Variants in LUZP2 observed in about 807,000 individuals in gnomAD.
LUZP2 encodes leucine zipper protein 2.
LUZP2 carries 52 observed loss-of-function variants against 51.6 expected under a neutral mutation model. The ratio of observed to expected loss-of-function variants is 1.01; its 90% CI spans 0.81 to 1.27. LUZP2 has a LOEUF of 1.27. LUZP2 is among the 50% of genes most tolerant of loss of function. The probability of loss-of-function intolerance (pLI) is 0.00; values close to 1 mark genes in which losing one functional copy is unlikely to be tolerated. For synonymous variants in LUZP2, 154 were observed against 137.3 expected (o/e 1.12, Z -0.85); for missense variants, 436 against 395.4 (o/e 1.10, Z -0.87).
At chr11:24,825,296 T>C (rs149712989) in intron 5 of LUZP2, among the ~76,000 whole-genome samples, 1 of 152,340 alleles carries the variant, frequency 6.6e-6, no homozygotes, top group African/African-American at 2.4e-5. Flanking sequence ...AAGAAAACTT[T>C]TATTGTCACA....
chr11:24,591,258 C>T (rs748920374), intron 1 of LUZP2, among the ~76,000 whole-genome samples: 6 of 151,972 alleles, frequency 3.9e-5, no homozygotes, highest in Non-Finnish European at 2.9e-5. Context: ...AGTTGAAGGG[C>T]AGAGCCATGC....
chr11:24,579,928 T>C (rs1271438082), intron 1 of LUZP2, among the ~76,000 whole-genome samples: 1 of 152,132 alleles, frequency 6.6e-6, no homozygotes, highest in Non-Finnish European at 1.5e-5. Context: ...GCAAGAACTA[T>C]GGTAATTATA....
At chr11:24,954,520 A>G (rs1855162807) in intron 7 of LUZP2, among the ~76,000 whole-genome samples, 1 of 152,002 alleles carries the variant, frequency 6.6e-6, no homozygotes. Context: ...CACCATTCTG[A>G]TGTTCCTTAT....
intron 1 of LUZP2, among the ~76,000 whole-genome samples, chr11:24,711,435 G>C (rs1857820406): frequency 1.3e-5 from 2 of 149,724 alleles, no homozygotes. Context: ...GGGCGACAGA[G>C]CGAGACTCCA....
intron 10 of LUZP2, among the ~76,000 whole-genome samples, chr11:25,063,580 T>C (rs977300303): frequency 1.9e-4 from 29 of 151,882 alleles, no homozygotes; most frequent in Admixed American, 1.9e-3. Context: ...TTAATTCTTA[T>C]TTATATTTTG....
At chr11:25,058,452 G>A (rs1858747531) in intron 10 of LUZP2, among the ~76,000 whole-genome samples, 1 of 151,998 alleles carries the variant, frequency 6.6e-6, no homozygotes, top group African/African-American at 2.4e-5. Context: ...CAAACACAAA[G>A]CATAATCTGA....
At chr11:24,719,440 C>A (rs1858177965) in intron 1 of LUZP2, among the ~76,000 whole-genome samples, 1 of 152,148 alleles carries the variant, frequency 6.6e-6, no homozygotes, top group Non-Finnish European at 1.5e-5. Context: ...AATCTTCCTG[C>A]TGAAGTCAAC....
At chr11:24,658,723 T>C (rs1351367397) in intron 1 of LUZP2, among the ~76,000 whole-genome samples, 1 of 151,742 alleles carries the variant, frequency 6.6e-6, no homozygotes, top group East Asian at 1.9e-4. Context: ...CAAACAAATT[T>C]ACAAGAAAAA....
Position 24,844,623 on chromosome 11 carries a change from G to A in LUZP2, c.397-61368G>A, listed in dbSNP as rs142642351. 3.5e-3 allele frequency among the ~76,000 whole-genome samples: 534 copies of A among 152,228 alleles called. 2 individuals carry two copies. The highest frequency in any genetic ancestry group is 0.012 in the African/African-American group (503 of 41,536). On this transcript the variant is annotated intron_variant, in intron 5 of 11. Transcript: ENST00000336930. The stretch of plus-strand genomic sequence containing the variant: ...CCAGGGCATGTCACAGGTCTTAACA[G>A]CAGCCCATCCCATCACAGGCCTGGA...
chr11:25,030,911 TATTGTATTATATATATATA>T lies in LUZP2; in HGVS notation c.766-19124_766-19106del, dbSNP rs1565254325. Among the ~76,000 whole-genome samples the T allele has an allele frequency of 9.4e-3, 215 of 22,866 alleles. 10 individuals carry two copies. Among genetic ancestry groups the T allele is most frequent in the African/African-American group, 0.044 (205 of 4,622 alleles). 15.0% of individuals were successfully genotyped at this position (22,866 alleles called of 152,430 possible). Reference sequence around the variant, plus strand: ...ATATATTATATATATATATAATATATATTGTATTATATATATATAATATATATTATATATATTATATATA... The same window carrying T: ...ATATATTATATATATATATAATATATATATATATTATATATATTATATATA... On this transcript the variant is annotated intron_variant, in intron 9 of 11. Coordinates refer to ENST00000336930, the MANE Select transcript of LUZP2 (RefSeq NM_001009909.4).
At chr11:24,984,061 G>A (rs7105204) in intron 9 of LUZP2, among the ~76,000 whole-genome samples, 149,994 of 151,648 alleles carry the variant, frequency 0.99, 74,211 homozygotes, top group Middle Eastern at 1. Flanking sequence ...ATCTTTGGGG[G>A]AGGGAGTTTT....
chr11:24,696,557 T>C (rs573035633), intron 1 of LUZP2, among the ~76,000 whole-genome samples: 2 of 152,178 alleles, frequency 1.3e-5, no homozygotes, highest in Admixed American at 1.3e-4. Context: ...AACATACTCA[T>C]CCATTTTTTC....
chr11:24,649,854 A>G (rs140209871), intron 1 of LUZP2, among the ~76,000 whole-genome samples: 144 of 152,016 alleles, frequency 9.5e-4, no homozygotes, highest in African/African-American at 3.0e-3. Flanking sequence ...AGCTTGGGCC[A>G]CTGTCTGTCC....
At chr11:24,731,824 G>A (rs1002943494) in intron 2 of LUZP2, among the ~76,000 whole-genome samples, 1 of 151,746 alleles carries the variant, frequency 6.6e-6, no homozygotes, top group African/African-American at 2.4e-5. Flanking sequence ...TTCAAAGAAT[G>A]AATAGAAGAT....
At chr11:24,603,982 A>C (rs1454873359) in intron 1 of LUZP2, among the ~76,000 whole-genome samples, 1 of 151,800 alleles carries the variant, frequency 6.6e-6, no homozygotes, top group Admixed American at 6.6e-5. Flanking sequence ...AAGATTCAAA[A>C]GATATTATCT....
chr11:24,832,226 G>A (rs1850723773), intron 5 of LUZP2, among the ~76,000 whole-genome samples: 1 of 151,872 alleles, frequency 6.6e-6, no homozygotes, highest in Non-Finnish European at 1.5e-5. Flanking sequence ...AACAAAATAT[G>A]AGAAGAGATT....
At chr11:24,930,291 GT>G (rs951880398) in intron 7 of LUZP2, among the ~76,000 whole-genome samples, 14 of 151,494 alleles carry the variant, frequency 9.2e-5, no homozygotes, top group South Asian at 8.3e-4. Context: ...GCCTGAATAC[GT>G]TTTTTTTCAT....
intron 3 of LUZP2, among the ~76,000 whole-genome samples, chr11:24,737,413 C>T (rs1858982940): frequency 6.6e-6 from 1 of 151,830 alleles, no homozygotes; most frequent in African/African-American, 2.4e-5. Context: ...GAGAGAATTT[C>T]TGTAGCCAGG....
chr11:24,837,579 A>G (rs11028209), intron 5 of LUZP2, among the ~76,000 whole-genome samples: 26,722 of 151,652 alleles, frequency 0.18, 2,441 homozygotes, highest in East Asian at 0.24. Flanking sequence ...TAATTCAGGA[A>G]AAACAATCGA....
Sources: gnomAD v4.1 joint callset for allele counts (sites outside exome capture counted in the v4.1 genomes callset) on GRCh38, gnomAD v4.1.1 for gene constraint, MANE v1.5 for transcripts, NCBI Gene and HGNC (gene_info 2026-07-23, HGNC 2026-07-21) for gene names.